The following CWH43 variants were observed in gnomAD, a reference collection of about 807,000 sequenced individuals.
CWH43 encodes the protein cell wall biogenesis 43 C-terminal homolog, also known as PGAP2-interacting protein.
A neutral mutation model predicts 85.7 loss-of-function variants in CWH43; 91 were observed. That is an observed-to-expected ratio of 1.06 (90% confidence interval 0.90 to 1.26). The LOEUF is 1.26. Ranked by LOEUF, CWH43 falls within the 50% of genes most tolerant of loss-of-function variation. The pLI, the probability that CWH43 is intolerant of heterozygous loss-of-function variation, is 0.00. For missense variants in CWH43, 869 were observed against 839.2 expected, an observed-to-expected ratio of 1.04 and a Z score of -0.44; for synonymous variants, 323 against 293.6, an observed-to-expected ratio of 1.10 and a Z score of -1.02.
intron 9 of CWH43, among the ~76,000 whole-genome samples, chr4:49,020,571 C>T (rs1200973769): frequency 6.6e-6 from 1 of 151,798 alleles, no homozygotes. Flanking sequence ...TGGGTAGATA[C>T]CCAGGAGTGT....
chr4:49,050,864 G>T lies in CWH43; in HGVS notation c.2021+15G>T, dbSNP rs1370403548. 1 of 1,598,344 alleles carries T rather than the reference G, an allele frequency of 6.3e-7. No individual in the cohort carries two copies. Among genetic ancestry groups the T allele is most frequent in the Non-Finnish European group, 8.5e-7 (1 of 1,170,536 alleles). ...TTTAATCCCAGGTGAGTTCCTTTAT[G>T]CTGTAGTTCCAGTTATGAGCTACTG... On this transcript the variant is annotated intron_variant, in intron 15 of 15. Coordinates refer to ENST00000226432, the MANE Select transcript of CWH43 (RefSeq NM_025087.3).
At position 49,007,204 on chromosome 4, in the gene CWH43, C is replaced by A; in HGVS notation, c.1064C>A (p.Thr355Lys). Residue 355 changes from threonine to lysine, a missense_variant, in exon 8 of 16, where the codon ACA (threonine) becomes AAA (lysine). Transcript: ENST00000226432. ...ARERSDVLLG[T>K]MMLIIGLNML... Reference sequence around the variant, plus strand: ...TTCTTTCTTTCTCTTATAACAGGGACAATGATGTTAATTATCGGGCTGAAT... The same window carrying A: ...TTCTTTCTTTCTCTTATAACAGGGAAAATGATGTTAATTATCGGGCTGAAT... The A allele has an allele frequency of 6.2e-7, 1 of 1,606,638 alleles. No individual in the cohort carries two copies. Among genetic ancestry groups the A allele is most frequent in the Non-Finnish European group, 8.5e-7 (1 of 1,177,466 alleles).
At chr4:49,054,500 G>C (rs1784893447) in intron 15 of CWH43, among the ~76,000 whole-genome samples, 1 of 151,852 alleles carries the variant, frequency 6.6e-6, no homozygotes, top group Non-Finnish European at 1.5e-5. Flanking sequence ...GGTGTTTTGT[G>C]GTCTTATACA....
At chr4:48,997,452 T>A (rs1782849732) in intron 5 of CWH43, among the ~76,000 whole-genome samples, 1 of 152,128 alleles carries the variant, frequency 6.6e-6, no homozygotes, top group African/African-American at 2.4e-5. Flanking sequence ...CATTGATGCA[T>A]CCCAAACACC....
At chr4:49,041,104 T>C (rs1370176628) in intron 13 of CWH43, among the ~76,000 whole-genome samples, 2 of 152,186 alleles carry the variant, frequency 1.3e-5, no homozygotes, top group Non-Finnish European at 2.9e-5. Context: ...TTGATCTATA[T>C]CTCTGTTTTG....
chr4:49,013,424 A>G (rs970058904), intron 8 of CWH43, among the ~76,000 whole-genome samples: 1 of 152,238 alleles, frequency 6.6e-6, no homozygotes, highest in African/African-American at 2.4e-5. Context: ...AGGAAAGGGA[A>G]ATCCTCTGGC....
intron 2 of CWH43, among the ~76,000 whole-genome samples, chr4:48,990,629 C>G (rs1252020530): frequency 4.6e-5 from 7 of 152,128 alleles, no homozygotes; most frequent in Admixed American, 4.6e-4. Context: ...TCAAAAAAGA[C>G]AGACAATAAT....
intron 8 of CWH43, among the ~76,000 whole-genome samples, chr4:49,016,312 G>A (rs1336704136): frequency 6.6e-6 from 1 of 152,102 alleles, no homozygotes; most frequent in Admixed American, 6.6e-5. Flanking sequence ...CCATGTGAGT[G>A]GTTCGCATAC....
At chr4:49,051,343 T>C (rs1784791997) in intron 15 of CWH43, among the ~76,000 whole-genome samples, 2 of 152,112 alleles carry the variant, frequency 1.3e-5, no homozygotes, top group Non-Finnish European at 2.9e-5. Context: ...ATTAGCATCG[T>C]TGGGTTGCTG....
chr4:49,033,707 A>G (rs1297970696), intron 12 of CWH43, among the ~76,000 whole-genome samples: 4 of 152,212 alleles, frequency 2.6e-5, no homozygotes, highest in Non-Finnish European at 5.9e-5. Context: ...GACAGTACTG[A>G]ATAAATCATG....
At position 49,032,633 on chromosome 4, in the gene CWH43, G is replaced by T. The variant is rs376324090; in HGVS notation, c.1576G>T (p.Glu526Ter). ...EHHLLPSPEG[E>*]IAPAITLTVN... is the part of the protein sequence containing the mutation. ...TCACCTTCTTCCGTCACCAGAGGGC[G>T]AGATCGCACCAGCCATCACATTGAC... Residue 526 changes from glutamate to a stop codon, truncating the protein, a stop_gained, in exon 12 of 16, where the codon GAG (glutamate) becomes TAG (stop). Transcript: ENST00000226432. LOFTEE classifies it high-confidence loss of function. 16 of 1,614,060 alleles carry T rather than the reference G, an allele frequency of 9.9e-6. No homozygotes were observed. The highest frequency in any genetic ancestry group is 1.4e-5 in the Non-Finnish European group (16 of 1,179,958).
At chr4:49,042,105 G>C (rs1560511003) in intron 13 of CWH43, among the ~76,000 whole-genome samples, 1 of 152,138 alleles carries the variant, frequency 6.6e-6, no homozygotes, top group Non-Finnish European at 1.5e-5. Flanking sequence ...ACTTCAGACA[G>C]GGCTCAATGG....
intron 8 of CWH43, among the ~76,000 whole-genome samples, chr4:49,009,063 A>G (rs556752562): frequency 2.0e-5 from 3 of 152,186 alleles, no homozygotes; most frequent in African/African-American, 7.2e-5. Flanking sequence ...AATTACCTTG[A>G]GCAGTATGGC....
intron 9 of CWH43, among the ~76,000 whole-genome samples, chr4:49,019,675 G>T (rs1294121850): frequency 6.6e-6 from 1 of 151,890 alleles, no homozygotes; most frequent in African/African-American, 2.4e-5. Context: ...TGCCTTCTGG[G>T]TTGAAGCGAT....
intron 15 of CWH43, among the ~76,000 whole-genome samples, chr4:49,052,901 C>A (rs908917265): frequency 6.6e-6 from 1 of 152,112 alleles, no homozygotes; most frequent in African/African-American, 2.4e-5. Context: ...TTCATCCTGT[C>A]TAATTGAAAC....
chr4:48,989,882 C>A (rs1475615637), intron 2 of CWH43, among the ~76,000 whole-genome samples: 1 of 152,208 alleles, frequency 6.6e-6, no homozygotes, highest in South Asian at 2.1e-4. Flanking sequence ...AGTTTCCTAC[C>A]CTTAACTGAG....
At chr4:49,025,549 C>A (rs1783885253) in intron 9 of CWH43, among the ~76,000 whole-genome samples, 1 of 152,182 alleles carries the variant, frequency 6.6e-6, no homozygotes, top group South Asian at 2.1e-4. Flanking sequence ...TAGGGTGCTC[C>A]CCTGATGTGG....
chr4:49,012,108 A>G (rs1783383475), intron 8 of CWH43, among the ~76,000 whole-genome samples: 1 of 152,220 alleles, frequency 6.6e-6, no homozygotes, highest in Admixed American at 6.5e-5. Flanking sequence ...TTTCAGGTAC[A>G]CCAATCAAAC....
At position 48,987,848 on chromosome 4, in the gene CWH43, G is replaced by A. The variant is rs1782541904; in HGVS notation, c.44-629G>A. 2.0e-5 allele frequency among the ~76,000 whole-genome samples: 3 copies of A among 152,168 alleles called. No individual in the cohort carries two copies. In the South Asian group the frequency reaches 6.2e-4, roughly 32 times the overall value. On this transcript the variant is annotated intron_variant, in intron 1 of 15. Coordinates refer to ENST00000226432, the MANE Select transcript of CWH43 (RefSeq NM_025087.3). ...GGAACGACTGCTGCCTCACTCAAGT[G>A]CTTTTGGGTGTAGTCTGGGGTTGGA... is the stretch of plus-strand genomic sequence containing the variant.
Sources: gnomAD v4.1 joint callset for allele counts (sites outside exome capture counted in the v4.1 genomes callset) on GRCh38, gnomAD v4.1.1 for gene constraint, MANE v1.5 for transcripts, NCBI Gene and HGNC (gene_info 2026-07-23, HGNC 2026-07-21) for gene names.